Variants in SOX6 observed in about 807,000 individuals in gnomAD.
SOX6 encodes the protein SRY-box transcription factor 6.
Under a neutral mutation model 97.8 loss-of-function variants are expected in SOX6, and 11 were observed. The ratio of observed to expected loss-of-function variants is 0.11; its 90% CI spans 0.07 to 0.19. The LOEUF (loss-of-function observed/expected upper bound fraction) is 0.19, where lower values mean the gene tolerates loss of function less well. SOX6 is among the 10% of genes least tolerant of loss of function. SOX6 has a pLI of 1.00. For missense variants in SOX6, 810 were observed against 1,039.5 expected, an observed-to-expected ratio of 0.78 and a Z score of 3.04; for synonymous variants, 360 against 371.4, an observed-to-expected ratio of 0.97 and a Z score of 0.35.
At chr11:16,170,783 T>G (rs1354452847) in intron 6 of SOX6, among the ~76,000 whole-genome samples, 5 of 152,052 alleles carry the variant, frequency 3.3e-5, no homozygotes, top group Non-Finnish European at 7.4e-5. Flanking sequence ...ATACCCTTTG[T>G]GCATTCTCAT....
At chr11:16,264,460 A>G (rs1231335842) in intron 3 of SOX6, 1 of 151,982 alleles carries the variant, frequency 6.6e-6, no homozygotes, top group African/African-American at 2.4e-5. Flanking sequence ...GGACTGCAGC[A>G]TAATTTATTT....
intron 1 of SOX6, among the ~76,000 whole-genome samples, chr11:16,383,597 A>C (rs1857891740): frequency 6.6e-6 from 1 of 151,938 alleles, no homozygotes; most frequent in South Asian, 2.1e-4. Context: ...TGTTCTTAGC[A>C]CAGTGCCTAG....
intron 5 of SOX6, among the ~76,000 whole-genome samples, chr11:16,185,926 T>C (rs910182301): frequency 9.9e-5 from 15 of 152,226 alleles, no homozygotes; most frequent in Middle Eastern, 3.4e-3. Flanking sequence ...TCCTATAAAA[T>C]ACATTTAACT....
At chr11:16,636,467 C>T (rs1848791869) in intron 3 of SOX6, among the ~76,000 whole-genome samples, 1 of 152,140 alleles carries the variant, frequency 6.6e-6, no homozygotes, top group South Asian at 2.1e-4. Context: ...TTTACAGGCT[C>T]ATAGGTAGAA....
chr11:16,106,169 C>A (rs1367400172), intron 7 of SOX6, among the ~76,000 whole-genome samples: 1 of 151,996 alleles, frequency 6.6e-6, no homozygotes, highest in South Asian at 2.1e-4. Context: ...ATCAAAATTA[C>A]AACAACCTAT....
At chr11:16,265,841 A>G (rs144778445) in intron 3 of SOX6, among the ~76,000 whole-genome samples, 1 of 152,010 alleles carries the variant, frequency 6.6e-6, no homozygotes, top group East Asian at 1.9e-4. Context: ...GTCCAATTAA[A>G]TATTGCAGAA....
intron 4 of SOX6, among the ~76,000 whole-genome samples, chr11:16,193,814 C>T (rs1160816759): frequency 6.6e-6 from 1 of 152,048 alleles, no homozygotes; most frequent in African/African-American, 2.4e-5. Flanking sequence ...TAATGGATAT[C>T]GTTTTAGAAG....
At chr11:16,396,873 C>A (rs1020472776) in intron 1 of SOX6, among the ~76,000 whole-genome samples, 1 of 151,262 alleles carries the variant, frequency 6.6e-6, no homozygotes, top group Admixed American at 6.6e-5. Context: ...TAGCACAGAG[C>A]CTCTCATTTC....
intron 1 of SOX6, among the ~76,000 whole-genome samples, chr11:16,434,715 T>A (rs1181878451): frequency 2.0e-5 from 3 of 152,132 alleles, no homozygotes; most frequent in African/African-American, 7.2e-5. Context: ...AAGTAAGTGC[T>A]CAATAAAAGT....
intron 3 of SOX6, among the ~76,000 whole-genome samples, chr11:16,247,090 T>A (rs1168173035): frequency 1.3e-5 from 2 of 152,302 alleles, no homozygotes; most frequent in East Asian, 3.9e-4. Context: ...CTGGTAATCA[T>A]CATTCTACTA....
At chr11:16,675,271 T>C (rs770808572) in intron 3 of SOX6, among the ~76,000 whole-genome samples, 22 of 152,224 alleles carry the variant, frequency 1.4e-4, no homozygotes, top group African/African-American at 2.2e-4. Flanking sequence ...TGCTTCAGCC[T>C]CCCATGTAGC....
At position 16,310,352 on chromosome 11, in the gene SOX6, A is replaced by C. The variant is rs567677256; in HGVS notation, c.445+8094T>G. ...ATGCAAATATACTTAACACGAAAAT[A>C]GACTATACATAATTCTTTTCATAAT... On this transcript the variant is annotated intron_variant, in intron 3 of 15. Transcript: ENST00000683767. Among the ~76,000 whole-genome samples the C allele has an allele frequency of 2.0e-5, 3 of 152,240 alleles. No individual in the cohort carries two copies. In the East Asian group the frequency reaches 5.8e-4, roughly 29 times the overall value.
chr11:16,514,215 CAAAA>C (rs35019872), intron 4 of SOX6, among the ~76,000 whole-genome samples: 5 of 102,676 alleles, frequency 4.9e-5, no homozygotes, highest in Admixed American at 1.1e-4. Flanking sequence ...GTCCCTGGCT[CAAAA>C]AAAAAAAAAA....
chr11:16,181,506 T>C (rs957394824), intron 6 of SOX6, among the ~76,000 whole-genome samples: 2 of 151,026 alleles, frequency 1.3e-5, no homozygotes, highest in Admixed American at 1.3e-4. Flanking sequence ...CTCTCTTAAA[T>C]TTGATTAAAT....
chr11:16,559,217 C>T (rs182180554), intron 4 of SOX6, among the ~76,000 whole-genome samples: 1 of 152,156 alleles, frequency 6.6e-6, no homozygotes, highest in African/African-American at 2.4e-5. Flanking sequence ...AATACCTTTT[C>T]ACTAGTATCA....
At chr11:16,342,523 CAAAT>C (rs1403137321) in intron 1 of SOX6, among the ~76,000 whole-genome samples, 1 of 151,728 alleles carries the variant, frequency 6.6e-6, no homozygotes, top group African/African-American at 2.4e-5. Flanking sequence ...TTTCTACAGA[CAAAT>C]AAATACTGAT....
intron 10 of SOX6, among the ~76,000 whole-genome samples, chr11:16,050,934 G>C (rs1847670326): frequency 6.6e-6 from 1 of 152,116 alleles, no homozygotes; most frequent in South Asian, 2.1e-4. Flanking sequence ...AAGGCAAAGA[G>C]AACTAGCTTT....
intron 4 of SOX6, among the ~76,000 whole-genome samples, chr11:16,516,604 T>C (rs1321329536): frequency 2.6e-5 from 4 of 151,612 alleles, no homozygotes; most frequent in African/African-American, 9.7e-5. Context: ...CCTCGACACA[T>C]ACACTCTCCC....
At chr11:16,148,132 A>C (rs1850361647) in intron 6 of SOX6, among the ~76,000 whole-genome samples, 1 of 152,216 alleles carries the variant, frequency 6.6e-6, no homozygotes, top group South Asian at 2.1e-4. Flanking sequence ...AATACAGTGA[A>C]TTTAACTTTG....
Sources: gnomAD v4.1 joint callset for allele counts (sites outside exome capture counted in the v4.1 genomes callset) on GRCh38, gnomAD v4.1.1 for gene constraint, MANE v1.5 for transcripts, NCBI Gene and HGNC (gene_info 2026-07-23, HGNC 2026-07-21) for gene names.